Variants in AQR observed in about 807,000 individuals in gnomAD.
The protein encoded by AQR is RNA helicase aquarius.
AQR carries 61 observed loss-of-function variants against 180.5 expected under a neutral mutation model. That is an observed-to-expected ratio of 0.34 (90% CI 0.28 to 0.42). AQR has a LOEUF of 0.42. Among genes scored for constraint, AQR ranks in the 10% least tolerant of loss-of-function variants. The pLI, the probability that AQR is intolerant of heterozygous loss-of-function variation, is 1.00. For synonymous variants in AQR, 551 were observed against 588.8 expected, an observed-to-expected ratio of 0.94 and a Z score of 0.93; for missense variants, 1,281 against 1,798.3, an observed-to-expected ratio of 0.71 and a Z score of 5.20.
chr15:34,910,113 A>G, intron 17 of AQR, 22 bp downstream of exon 17: 1 of 1,612,428 alleles, frequency 6.2e-7, no homozygotes, highest in Non-Finnish European at 8.5e-7. Context: ...AGGTAATGTC[A>G]CTTTTTGAAA....
chr15:34,966,005 T>C (rs1343882099), intron 1 of AQR, among the ~76,000 whole-genome samples: 1 of 152,186 alleles, frequency 6.6e-6, no homozygotes, highest in African/African-American at 2.4e-5. Flanking sequence ...TCCCTTGGGG[T>C]CTAACGTGTA....
At chr15:34,942,971 T>C (rs1894048609) in intron 6 of AQR, 1 of 1,248,050 alleles carries the variant, frequency 8.0e-7, no homozygotes, top group African/African-American at 1.5e-5. Flanking sequence ...AAAATCTTGT[T>C]TCTGTTTAGT....
intron 7 of AQR, among the ~76,000 whole-genome samples, chr15:34,941,537 T>G (rs1429646812): frequency 6.6e-6 from 1 of 152,208 alleles, no homozygotes. Context: ...AGGGAAATTC[T>G]GAATAAAGCA....
At position 34,918,344 on chromosome 15, in the gene AQR, T is replaced by C; in HGVS notation, c.1256A>G (p.Gln419Arg). The C allele has an allele frequency of 1.2e-6, 2 of 1,613,846 alleles. No individual in the cohort carries two copies. The highest frequency in any genetic ancestry group is 2.2e-5 in the East Asian group (1 of 44,834). Residue 419 changes from glutamine (Q) to arginine (R), a missense_variant, in exon 15 of 35, where the codon CAG becomes CGG. Transcript: ENST00000156471. ...ATACAAAGGCATCTGGTTCAACTGC[T>C]GAATCTGAGAAATTCGACGTTCATG... ...SRHERRISQI[Q>R]QLNQMPLYPT...
chr15:34,952,784 A>G (rs1037700784), intron 4 of AQR, 101 bp downstream of exon 4: 7 of 820,438 alleles, frequency 8.5e-6, no homozygotes, highest in African/African-American at 1.8e-5. Flanking sequence ...AAATCTTCAC[A>G]AATTTAGATT....
chr15:34,904,740 C>T (rs1051085496), intron 18 of AQR, among the ~76,000 whole-genome samples: 10 of 150,908 alleles, frequency 6.6e-5, no homozygotes, highest in African/African-American at 1.7e-4. Flanking sequence ...GTAATGTTTA[C>T]GATGCAACAC....
intron 28 of AQR, 96 bp downstream of exon 28, chr15:34,875,839 A>G: frequency 1.1e-6 from 1 of 891,732 alleles, no homozygotes; most frequent in Non-Finnish European, 1.8e-6. Flanking sequence ...ATACATAACT[A>G]TGGCAATCAG....
intron 3 of AQR, among the ~76,000 whole-genome samples, chr15:34,954,215 C>T (rs905721163): frequency 6.6e-5 from 10 of 152,180 alleles, no homozygotes; most frequent in Admixed American, 1.3e-4. Flanking sequence ...CCACACCTGA[C>T]GTCTTTTAAA....
chr15:34,904,556 C>T, intron 18 of AQR, 51 bp from the exon 19 acceptor site: 2 of 1,494,084 alleles, frequency 1.3e-6, no homozygotes, highest in East Asian at 4.9e-5. Context: ...TTTCAAATAT[C>T]AAAATAAGTT....
intron 14 of AQR, among the ~76,000 whole-genome samples, chr15:34,919,035 T>A (rs1231505848): frequency 6.6e-6 from 1 of 152,038 alleles, no homozygotes; most frequent in Non-Finnish European, 1.5e-5. Flanking sequence ...GGTGAGGAGT[T>A]CAAGACTAGC....
intron 13 of AQR, among the ~76,000 whole-genome samples, chr15:34,920,809 T>G (rs757251828): frequency 1.6e-4 from 24 of 151,944 alleles, no homozygotes; most frequent in Non-Finnish European, 2.5e-4. Flanking sequence ...ATACAAAAAA[T>G]TAGCCGGGCG....
chr15:34,874,222 GCTCT>G (rs1566979934), intron 29 of AQR: 1 of 420,258 alleles, frequency 2.4e-6, no homozygotes, highest in East Asian at 3.9e-5. Context: ...GTTCTATTAC[GCTCT>G]CTGAGGTCAA....
In AQR at chr15:34,870,910, C is replaced by A; in HGVS notation, c.3610G>T (p.Ala1204Ser). 1.9e-6 allele frequency: 3 copies of A among 1,611,806 alleles called. No homozygotes were observed. The highest frequency in any genetic ancestry group is 2.5e-6 in the Non-Finnish European group (3 of 1,178,782). The change falls in exon 31 of 35, where the codon GCA becomes TCA. Residue 1204 changes from alanine (A) to serine (S), a missense_variant. By Grantham distance (99) the Ala-to-Ser change is moderately conservative. Transcript: ENST00000156471. ...NPYFYQNLGE[A>S]EYVVALFMYM... Reference sequence around the variant, plus strand: ...ATAAAAAGTGCTACTACATATTCTGCCTCTCCAAGATTCTGTAATGCAAAC... The same window carrying A: ...ATAAAAAGTGCTACTACATATTCTGACTCTCCAAGATTCTGTAATGCAAAC...
At position 34,934,126 on chromosome 15, in the gene AQR, CAAAGA is replaced by C. The variant is rs1240714427; in HGVS notation, c.783+440_783+444del. On this transcript the variant is annotated intron_variant, in intron 10 of 34. Coordinates refer to ENST00000156471, the MANE Select transcript of AQR (RefSeq NM_014691.3). ...TTGGTGACAGAGAAAGACCCCATCT[CAAAGA>C]AAAGAAAAGAAAAGAAGAAAAGGAA... Among the ~76,000 whole-genome samples, 8 of 144,068 alleles carry C rather than the reference CAAAGA, an allele frequency of 5.6e-5. No homozygotes were observed. The East Asian group carries it at 6.0e-4, about 11-fold the overall frequency. 94.5% of individuals were successfully genotyped at this position (144,068 alleles called of 152,430 possible).
intron 4 of AQR, among the ~76,000 whole-genome samples, chr15:34,951,295 G>A (rs1230642919): frequency 6.6e-6 from 1 of 152,162 alleles, no homozygotes; most frequent in Non-Finnish European, 1.5e-5. Context: ...ATGTTTGGAA[G>A]TTGGCCCAGG....
chr15:34,943,337 A>G lies in AQR; in HGVS notation c.471+951T>C, dbSNP rs761791799. 1.3e-5 allele frequency: 20 copies of G among 1,497,940 alleles called. No homozygotes were observed. In the Admixed American group the frequency reaches 2.7e-4, roughly 20 times the overall value. The allele number at this position is 1,497,940 out of a possible 1,614,324, so 92.8% of individuals were successfully genotyped here. ...CTAAGAGAATGCTGGCTATTAAAAGATGCAAGCATTTTGAACTGGGAGGAG... is the reference window on the plus strand; with the variant it reads ...CTAAGAGAATGCTGGCTATTAAAAGGTGCAAGCATTTTGAACTGGGAGGAG... On this transcript the variant is annotated intron_variant, in intron 6 of 34. Transcript: ENST00000156471.
chr15:34,889,095 G>C (rs1315310694), intron 24 of AQR, among the ~76,000 whole-genome samples: 1 of 152,016 alleles, frequency 6.6e-6, no homozygotes, highest in Non-Finnish European at 1.5e-5. Context: ...TATTCTATTA[G>C]CACCTTCATG....
chr15:34,918,452 G>C, intron 14 of AQR, 74 bp from the exon 15 acceptor site: 1 of 1,525,382 alleles, frequency 6.6e-7, no homozygotes, highest in Non-Finnish European at 8.9e-7. Context: ...TATGGAAGAA[G>C]TTTCATGCCT....
At chr15:34,913,446 C>T (rs936794610) in intron 16 of AQR, among the ~76,000 whole-genome samples, 21 of 151,878 alleles carry the variant, frequency 1.4e-4, no homozygotes, top group South Asian at 1.2e-3. Context: ...TTTTAGGTTT[C>T]GACATTTTTA....
Sources: allele counts gnomAD v4.1 joint callset (sites outside exome capture counted in the v4.1 genomes callset), GRCh38; gene constraint gnomAD v4.1.1; transcripts MANE v1.5; gene names NCBI Gene and HGNC (gene_info 2026-07-23, HGNC 2026-07-21).